ANO3: variants seen among roughly 807,000 people sequenced by gnomAD.
ANO3 encodes the protein anoctamin-3.
In ANO3, 99 loss-of-function variants were observed where a neutral mutation model predicts 144.8. That is an observed-to-expected ratio of 0.68 (90% CI 0.58 to 0.81). ANO3 has a LOEUF of 0.81. ANO3 is among the 30% of genes least tolerant of loss of function. ANO3 has a pLI of 0.00. For missense variants in ANO3, 905 were observed against 1,202.2 expected (o/e 0.75, Z 3.66); for synonymous variants, 414 against 392.6 (o/e 1.05, Z -0.64).
chr11:26,586,494 G>T (rs1337070455), intron 14 of ANO3, among the ~76,000 whole-genome samples: 2 of 85,106 alleles, frequency 2.4e-5, no homozygotes, highest in East Asian at 3.2e-4. Context: ...GGGCTTCCCT[G>T]GTGAGAATCT....
rs1230243991 is a variant in ANO3, at chr11:26,463,089, C to T, written c.373C>T (p.Arg125Cys). The T allele has an allele frequency of 2.9e-5, 47 of 1,596,944 alleles. No homozygotes were observed. Among genetic ancestry groups the T allele is most frequent in the Non-Finnish European group, 3.7e-5 (43 of 1,171,564 alleles). Residue 125 changes from arginine to cysteine, a missense_variant, in exon 4 of 27, where the codon CGT becomes TGT. Arg to Cys is a radical substitution (Grantham distance 180). Coordinates refer to ENST00000256737, the MANE Select transcript of ANO3 (RefSeq NM_031418.4). Reference sequence around the variant, plus strand: ...AGAACACGCTACTTATGACCGATCTCGTCTCATTAATGACTTTGTTATCAA... The same window carrying T: ...AGAACACGCTACTTATGACCGATCTTGTCTCATTAATGACTTTGTTATCAA... Reference protein sequence around the residue: ...ESEHATYDRSRLINDFVIKDK... With the variant: ...ESEHATYDRSCLINDFVIKDK...
intron 1 of ANO3, among the ~76,000 whole-genome samples, chr11:26,440,111 T>C (rs536807799): frequency 6.6e-6 from 1 of 152,120 alleles, no homozygotes; most frequent in African/African-American, 2.4e-5. Flanking sequence ...TTTATTCACA[T>C]TATACAGACA....
At chr11:26,510,387 C>T (rs1309966814) in intron 5 of ANO3, among the ~76,000 whole-genome samples, 6 of 151,980 alleles carry the variant, frequency 3.9e-5, no homozygotes, top group African/African-American at 1.2e-4. Context: ...CCGCCCACAC[C>T]CAATCACTGG....
At chr11:26,627,520 G>C (rs941129183) in intron 18 of ANO3, among the ~76,000 whole-genome samples, 7 of 151,938 alleles carry the variant, frequency 4.6e-5, no homozygotes, top group Admixed American at 1.3e-4. Flanking sequence ...TTCTTCAGTT[G>C]GGTAATGAAG....
chr11:26,524,061 T>C (rs1004356998), intron 6 of ANO3, among the ~76,000 whole-genome samples: 4 of 152,146 alleles, frequency 2.6e-5, no homozygotes, highest in African/African-American at 9.7e-5. Context: ...ACTGAAAGAG[T>C]TAAATGCAAC....
At chr11:26,255,384 G>C (rs768412091) in intron 1 of ANO3, among the ~76,000 whole-genome samples, 2 of 152,142 alleles carry the variant, frequency 1.3e-5, no homozygotes, top group African/African-American at 2.4e-5. Flanking sequence ...CTCCAACTCA[G>C]ATACTTTTTT....
intron 1 of ANO3, among the ~76,000 whole-genome samples, chr11:26,281,420 T>C (rs1466681739): frequency 2.6e-5 from 4 of 152,136 alleles, no homozygotes; most frequent in South Asian, 2.1e-4. Context: ...GAGATAGGCC[T>C]AGAGGGACCC....
intron 1 of ANO3, among the ~76,000 whole-genome samples, chr11:26,310,302 G>A (rs1039429342): frequency 6.6e-6 from 1 of 152,118 alleles, no homozygotes; most frequent in Non-Finnish European, 1.5e-5. Context: ...AAGAGAGAGA[G>A]CAATTCTATT....
At position 26,332,161 on chromosome 11, in the gene ANO3, G is replaced by A; in HGVS notation, c.-115G>A. 1.9e-6 allele frequency: 3 copies of A among 1,590,226 alleles called. No individual in the cohort carries two copies. Among genetic ancestry groups the A allele is most frequent in the Non-Finnish European group, 2.6e-6 (3 of 1,168,792 alleles). ...CGAAGTGCCGGCTACAGCAGGTGTCGGATTGCAGTGCGCTCGCTGAGGCTC... is the reference window on the plus strand; with the variant it reads ...CGAAGTGCCGGCTACAGCAGGTGTCAGATTGCAGTGCGCTCGCTGAGGCTC... On this transcript the variant is annotated 5_prime_UTR_variant, in exon 1 of 27. Transcript: ENST00000256737.
At chr11:26,304,136 T>C (rs1337606365) in intron 1 of ANO3, among the ~76,000 whole-genome samples, 1 of 152,230 alleles carries the variant, frequency 6.6e-6, no homozygotes, top group Non-Finnish European at 1.5e-5. Flanking sequence ...TTTCTTCGAT[T>C]ACTACTAAGG....
chr11:26,656,523 T>A, intron 26 of ANO3, 42 bp downstream of exon 26: 8 of 1,282,694 alleles, frequency 6.2e-6, no homozygotes, highest in South Asian at 1.2e-5. Context: ...AGATAAATGC[T>A]TTTCTAAATG....
chr11:26,239,265 G>A (rs1163174121), intron 1 of ANO3, among the ~76,000 whole-genome samples: 1 of 152,080 alleles, frequency 6.6e-6, no homozygotes, highest in Non-Finnish European at 1.5e-5. Flanking sequence ...CCATATTCAT[G>A]TGGGACAGCA....
chr11:26,358,460 G>A (rs778260516), intron 1 of ANO3, among the ~76,000 whole-genome samples: 24 of 152,100 alleles, frequency 1.6e-4, no homozygotes, highest in Non-Finnish European at 3.4e-4. Context: ...ATAAGCCACC[G>A]CGCCCGGCCA....
chr11:26,656,248 A>C, intron 25 of ANO3, 43 bp downstream of exon 25: 1 of 1,554,888 alleles, frequency 6.4e-7, no homozygotes, highest in Non-Finnish European at 8.9e-7. Flanking sequence ...TCACCATTCC[A>C]AGTACTCCCC....
intron 9 of ANO3, 62 bp downstream of exon 9, chr11:26,534,624 GT>G (rs543732699): frequency 3.0e-4 from 360 of 1,183,726 alleles, no homozygotes; most frequent in African/African-American, 9.6e-4. Context: ...CAGAATTATT[GT>G]TTTTTTTAAC....
At chr11:26,473,386 T>C (rs1272475036) in intron 4 of ANO3, among the ~76,000 whole-genome samples, 1 of 151,964 alleles carries the variant, frequency 6.6e-6, no homozygotes, top group Non-Finnish European at 1.5e-5. Flanking sequence ...ATTCCTGTGC[T>C]CTCAGATTAC....
At chr11:26,214,110 T>C (rs533684154) in intron 1 of ANO3, among the ~76,000 whole-genome samples, 24 of 152,136 alleles carry the variant, frequency 1.6e-4, no homozygotes, top group African/African-American at 5.1e-4. Flanking sequence ...GATTTCCAAA[T>C]ATTTTTCCAT....
chr11:26,577,389 T>A (rs755543524), intron 14 of ANO3, among the ~76,000 whole-genome samples: 5 of 152,042 alleles, frequency 3.3e-5, no homozygotes, highest in Admixed American at 6.6e-5. Context: ...AAACCCCGTC[T>A]GTACTAAAAA....
At chr11:26,575,819 G>C (rs1032323443) in intron 14 of ANO3, among the ~76,000 whole-genome samples, 2 of 152,014 alleles carry the variant, frequency 1.3e-5, no homozygotes, top group Non-Finnish European at 2.9e-5. Context: ...ATATTTTCTT[G>C]GGTATTTTTC....
Sources: allele counts gnomAD v4.1 joint callset (sites outside exome capture counted in the v4.1 genomes callset), GRCh38; gene constraint gnomAD v4.1.1; transcripts MANE v1.5; gene names NCBI Gene and HGNC (gene_info 2026-07-23, HGNC 2026-07-21).